Variants in MLLT10 observed in about 807,000 individuals in gnomAD.
MLLT10 encodes the protein protein AF-10.
Under a neutral mutation model 129.1 loss-of-function variants are expected in MLLT10, and 30 were observed. The ratio of observed to expected loss-of-function variants is 0.23; its 90% CI spans 0.17 to 0.32. MLLT10 has a LOEUF of 0.32. MLLT10 is among the 10% of genes least tolerant of loss of function. The pLI is 1.00. For missense variants in MLLT10, 1,119 were observed against 1,268.3 expected (o/e 0.88, Z 1.79); for synonymous variants, 490 against 446.4 (o/e 1.10, Z -1.23).
At chr10:21,571,104 A>G (rs1345219320) in intron 3 of MLLT10, among the ~76,000 whole-genome samples, 1 of 152,110 alleles carries the variant, frequency 6.6e-6, no homozygotes, top group South Asian at 2.1e-4. Flanking sequence ...CTCCTATGTC[A>G]TATCTACAAT....
At chr10:21,672,369 A>C (rs1215787299) in intron 10 of MLLT10, among the ~76,000 whole-genome samples, 2 of 152,064 alleles carry the variant, frequency 1.3e-5, no homozygotes, top group African/African-American at 4.8e-5. Context: ...ATGGGACCAC[A>C]AGCATGCGTC....
intron 14 of MLLT10, among the ~76,000 whole-genome samples, chr10:21,720,213 A>G (rs887040818): frequency 1.3e-5 from 2 of 152,172 alleles, no homozygotes; most frequent in South Asian, 2.1e-4. Context: ...AGCCTAAACA[A>G]TGGTTTTGAA....
At chr10:21,677,374 T>A (rs1221902505) in intron 11 of MLLT10, among the ~76,000 whole-genome samples, 1 of 152,090 alleles carries the variant, frequency 6.6e-6, no homozygotes, top group African/African-American at 2.4e-5. Context: ...AAGGAGAAAA[T>A]GTATACAGTC....
intron 3 of MLLT10, among the ~76,000 whole-genome samples, chr10:21,558,288 T>A (rs2038329484): frequency 1.3e-5 from 2 of 151,914 alleles, no homozygotes; most frequent in African/African-American, 4.8e-5. Context: ...TACTTGTCCT[T>A]TATTGTAGAC....
intron 7 of MLLT10, 151 bp from the exon 8 acceptor site, chr10:21,616,961 C>G (rs1182841003): frequency 9.7e-6 from 3 of 308,944 alleles, no homozygotes; most frequent in Non-Finnish European, 1.2e-5. Context: ...TGAATGGTGT[C>G]TAAACTGGAT....
chr10:21,625,999 A>T (rs2046393248), intron 8 of MLLT10: 1 of 1,045,936 alleles, frequency 9.6e-7, no homozygotes. Context: ...GTGGAGGCCC[A>T]CCATACTTCC....
At chr10:21,640,347 TAC>T (rs374264113) in intron 8 of MLLT10, among the ~76,000 whole-genome samples, 118 of 146,928 alleles carry the variant, frequency 8.0e-4, no homozygotes, top group South Asian at 1.1e-3. Context: ...AAAATATATA[TAC>T]ACACACATAT....
intron 8 of MLLT10, among the ~76,000 whole-genome samples, chr10:21,623,227 T>G (rs747259261): frequency 5.6e-4 from 86 of 152,324 alleles, no homozygotes; most frequent in Non-Finnish European, 7.2e-4. Flanking sequence ...GAATTCAACC[T>G]CCAGCCCTTC....
chr10:21,595,076 A>AAC (rs2042918211), intron 4 of MLLT10, among the ~76,000 whole-genome samples: 1 of 152,204 alleles, frequency 6.6e-6, no homozygotes, highest in Non-Finnish European at 1.5e-5. Context: ...TGTTAGTGCC[A>AAC]ACATCTGAAT....
chr10:21,571,546 T>C (rs1564432757), intron 3 of MLLT10, among the ~76,000 whole-genome samples: 1 of 152,264 alleles, frequency 6.6e-6, no homozygotes, highest in South Asian at 2.1e-4. Context: ...GTTTTGTTGC[T>C]TGTCCAATAT....
chr10:21,577,041 A>C (rs536884110), intron 3 of MLLT10, among the ~76,000 whole-genome samples: 1 of 152,098 alleles, frequency 6.6e-6, no homozygotes, highest in African/African-American at 2.4e-5. Context: ...CCATTACCCT[A>C]CTTCCCCAGC....
intron 13 of MLLT10, chr10:21,708,832 A>G (rs2055793425): frequency 1.3e-6 from 1 of 743,280 alleles, no homozygotes; most frequent in Non-Finnish European, 1.6e-6. Context: ...TAGTTACAAC[A>G]GTGTACTTTC....
At chr10:21,624,250 A>G (rs1206825848) in intron 8 of MLLT10, among the ~76,000 whole-genome samples, 1 of 152,246 alleles carries the variant, frequency 6.6e-6, no homozygotes, top group Admixed American at 6.5e-5. Context: ...AATCTATCCT[A>G]GATCCAAAAA....
In MLLT10 at chr10:21,726,681, C is replaced by CTTTTTTTTTT. The variant is rs35036202; in HGVS notation, c.1990+342_1990+351dup. On this transcript the variant is annotated intron_variant, in intron 15 of 22. Coordinates refer to ENST00000307729, the MANE Select transcript of MLLT10 (RefSeq NM_001195626.3). ...TGCTGTGCTGCAAAATAGCAATGTC[C>CTTTTTTTTTT]TTTTTTTTTTTTTTTTTTTTTTTTT... Among the ~76,000 whole-genome samples the CTTTTTTTTTT allele has an allele frequency of 1.1e-3, 92 of 87,608 alleles. 4 individuals carry two copies. Among genetic ancestry groups the CTTTTTTTTTT allele is most frequent in the African/African-American group, 3.2e-3 (74 of 22,946 alleles). 57.5% of individuals were successfully genotyped at this position (87,608 alleles called of 152,430 possible). A position where few individuals can be genotyped will look rare whatever the true frequency, so the allele number is the denominator to read the frequency against.
At chr10:21,686,662 C>T (rs1254515653) in intron 13 of MLLT10, among the ~76,000 whole-genome samples, 1 of 152,096 alleles carries the variant, frequency 6.6e-6, no homozygotes, top group Non-Finnish European at 1.5e-5. Flanking sequence ...ATGCTTTAAA[C>T]TCAATATCTA....
At position 21,632,182 on chromosome 10, in the gene MLLT10, A is replaced by G. The variant is rs562182506; in HGVS notation, c.699+14975A>G. ...TTTAGCTTGAATTCAGATGTTGAAG[A>G]CAAACAGTAATATAGTGTGCATCAA... On this transcript the variant is annotated intron_variant, in intron 8 of 22. Transcript: ENST00000307729. Among the ~76,000 whole-genome samples, 45 of 152,334 alleles carry G rather than the reference A, an allele frequency of 3.0e-4. 1 individual carries two copies. In the South Asian group the frequency reaches 9.1e-3, roughly 31 times the overall value.
At chr10:21,615,558 TATTTTTAAGGTC>T in intron 7 of MLLT10, among the ~76,000 whole-genome samples, 1 of 152,018 alleles carries the variant, frequency 6.6e-6, no homozygotes, top group Non-Finnish European at 1.5e-5. Flanking sequence ...GGAAACTTTA[TATTTTTAAGGTC>T]TTTAGTTAAT....
intron 4 of MLLT10, among the ~76,000 whole-genome samples, chr10:21,594,493 C>T (rs1033463759): frequency 1.3e-4 from 18 of 139,230 alleles, no homozygotes; most frequent in Admixed American, 4.0e-4. Context: ...GCGGAGGTCG[C>T]GGTGAGACGA....
At chr10:21,663,168 C>G (rs1406257873) in intron 9 of MLLT10, among the ~76,000 whole-genome samples, 1 of 152,284 alleles carries the variant, frequency 6.6e-6, no homozygotes, top group Non-Finnish European at 1.5e-5. Flanking sequence ...GCTAGAGGTC[C>G]TAGAGGTAAA....
Sources: allele counts gnomAD v4.1 joint callset (sites outside exome capture counted in the v4.1 genomes callset), GRCh38; gene constraint gnomAD v4.1.1; transcripts MANE v1.5; gene names NCBI Gene and HGNC (gene_info 2026-07-23, HGNC 2026-07-21).